The following MDH2 variants were observed in gnomAD, a reference collection of about 807,000 sequenced individuals.
The protein encoded by MDH2 is malate dehydrogenase, mitochondrial.
Under a neutral mutation model 33.6 loss-of-function variants are expected in MDH2, and 25 were observed. The ratio of observed to expected loss-of-function variants is 0.74; its 90% confidence interval spans 0.54 to 1.04. The LOEUF is 1.04. Among genes scored for constraint, MDH2 ranks in the 50% least tolerant of loss-of-function variants. MDH2 has a pLI of 0.00. For synonymous variants in MDH2, 193 were observed against 188.7 expected (o/e 1.02, Z -0.19); for missense variants, 432 against 445.0 (o/e 0.97, Z 0.26).
At chr7:76,057,697 G>A (rs1305817012) in intron 3 of MDH2, among the ~76,000 whole-genome samples, 5 of 152,076 alleles carry the variant, frequency 3.3e-5, no homozygotes, top group Non-Finnish European at 5.9e-5. Flanking sequence ...CTCTGTGCAC[G>A]GACGCCCTTC....
chr7:76,060,648 A>T, intron 5 of MDH2, 150 bp downstream of exon 5: 1 of 1,190,672 alleles, frequency 8.4e-7, no homozygotes, highest in Non-Finnish European at 1.1e-6. Flanking sequence ...CTCTTGATGG[A>T]AGCAGCCCCT....
At chr7:76,050,816 GAGTT>G (rs1797601061) in intron 1 of MDH2, among the ~76,000 whole-genome samples, 1 of 152,202 alleles carries the variant, frequency 6.6e-6, no homozygotes, top group Non-Finnish European at 1.5e-5. Flanking sequence ...TTGGGCCTTG[GAGTT>G]GGGCTGAAAT....
At position 76,064,874 on chromosome 7, in the gene MDH2, A is replaced by G. The variant is rs1798053153; in HGVS notation, c.806A>G (p.Lys269Arg). The G allele has an allele frequency of 1.9e-6, 3 of 1,614,060 alleles. No individual in the cohort carries two copies. Among genetic ancestry groups the G allele is most frequent in the African/African-American group, 2.7e-5 (2 of 74,930 alleles). ...VFSLVDAMNG[K>R]EGVVECSFVK... is the part of the protein sequence containing the mutation. ...TCCCTTGTGGATGCAATGAATGGAAAGGAAGGTGTTGTGGAATGTTCCTTC... is the reference window on the plus strand; with the variant it reads ...TCCCTTGTGGATGCAATGAATGGAAGGGAAGGTGTTGTGGAATGTTCCTTC... Residue 269 changes from lysine (K) to arginine (R), a missense_variant, in exon 8 of 9, where the codon AAG becomes AGG. By Grantham distance (26) the Lys-to-Arg change is conservative. Coordinates refer to ENST00000315758, the MANE Select transcript of MDH2 (RefSeq NM_005918.4).
chr7:76,056,653 C>T (rs376569816), intron 2 of MDH2, among the ~76,000 whole-genome samples: 6 of 152,158 alleles, frequency 3.9e-5, no homozygotes, highest in African/African-American at 1.4e-4. Context: ...TAGGAGTAAA[C>T]GAAATAGTAA....
chr7:76,049,194 A>G (rs1797500187), intron 1 of MDH2: 12 of 805,098 alleles, frequency 1.5e-5, no homozygotes, highest in Non-Finnish European at 1.8e-5. Context: ...ATTGATGGCT[A>G]CTTCCCATAC....
Position 76,063,577 on chromosome 7 carries a change from C to A in MDH2, c.618C>A (p.Ile206=). The part of the protein sequence containing the change: ...VIGGHAGKTI[I]PLISQCTPKV... The stretch of plus-strand genomic sequence containing the variant: ...GTGGCCATGCTGGGAAGACCATCAT[C>A]CCCCTGATCTCTCAGGTACACGCAT... Residue 206 remains isoleucine (I), a synonymous_variant, in exon 6 of 9, where the codon ATC becomes ATA. Transcript: ENST00000315758. The A allele has an allele frequency of 6.2e-7, 1 of 1,614,190 alleles. No individual in the cohort carries two copies. Among genetic ancestry groups the A allele is most frequent in the Non-Finnish European group, 8.5e-7 (1 of 1,179,998 alleles).
At chr7:76,066,233 G>C in intron 8 of MDH2, 46 bp from the exon 9 acceptor site, 1 of 1,593,088 alleles carries the variant, frequency 6.3e-7, no homozygotes, top group Non-Finnish European at 8.6e-7. Context: ...TCTCTAACAA[G>C]CACTTTCCTG....
chr7:76,049,004 AT>A, intron 1 of MDH2: 1 of 828,244 alleles, frequency 1.2e-6, no homozygotes, highest in Non-Finnish European at 1.4e-6. Flanking sequence ...GGGGGTCCGC[AT>A]TTTTACCAGG....
At position 76,055,011 on chromosome 7, in the gene MDH2, C is replaced by A; in HGVS notation, c.235+13C>A. On this transcript the variant is annotated intron_variant, in intron 2 of 8. Coordinates refer to ENST00000315758, the MANE Select transcript of MDH2 (RefSeq NM_005918.4). ...GCCGCTGTGAAAGGTACTGGGCGCGCTGACCCTGGAGACTTGCTTCCTGTC... is the reference window on the plus strand; with the variant it reads ...GCCGCTGTGAAAGGTACTGGGCGCGATGACCCTGGAGACTTGCTTCCTGTC... 6.2e-7 allele frequency: 1 copy of A among 1,602,120 alleles called. No homozygotes were observed. The highest frequency in any genetic ancestry group is 8.5e-7 in the Non-Finnish European group (1 of 1,173,220).
intron 5 of MDH2, among the ~76,000 whole-genome samples, chr7:76,062,339 C>T (rs185529972): frequency 2.6e-5 from 4 of 152,350 alleles, no homozygotes. Context: ...GAGGGCAAGC[C>T]TCTGGAAAGC....
intron 1 of MDH2, among the ~76,000 whole-genome samples, chr7:76,051,305 C>T (rs1554585407): frequency 6.6e-6 from 1 of 150,688 alleles, no homozygotes; most frequent in African/African-American, 2.5e-5. Context: ...GTGCAGTGGT[C>T]TCCAGACTTT....
Position 76,054,977 on chromosome 7 carries a change from G to A in MDH2, c.214G>A (p.Glu72Lys), listed in dbSNP as rs782167273. 3 of 1,613,778 alleles carry A rather than the reference G, an allele frequency of 1.9e-6. No individual in the cohort carries two copies. Among genetic ancestry groups the A allele is most frequent in the East Asian group, 4.5e-5 (2 of 44,864 alleles). ...AGTGGCCGCAGATCTGAGCCACATC[G>A]AGACCAAAGCCGCTGTGAAAGGTAC... ...PGVAADLSHI[E>K]TKAAVKGYLG... Residue 72 changes from glutamate to lysine, a missense_variant, in exon 2 of 9, where the codon GAG becomes AAG. Coordinates refer to ENST00000315758, the MANE Select transcript of MDH2 (RefSeq NM_005918.4).
rs141477010 is a variant in MDH2 at position 76,064,587 on chromosome 7, G to T, written c.733+149G>T. The stretch of plus-strand genomic sequence containing the variant: ...TGGTGGAAAATCCCTGTGTGAGAGG[G>T]CAGCTCGGCCTGCTTTGTGGGGTTG... On this transcript the variant is annotated intron_variant, in intron 7 of 8. Transcript: ENST00000315758. 145 of 925,348 alleles carry T rather than the reference G, an allele frequency of 1.6e-4. No homozygotes were observed. The African/African-American group carries it at 2.3e-3, about 14-fold the overall frequency. The allele number at this position is 925,348 out of a possible 1,614,324, so 57.3% of individuals were successfully genotyped here.
intron 8 of MDH2, among the ~76,000 whole-genome samples, chr7:76,065,654 C>T (rs1444383261): frequency 2.6e-5 from 4 of 152,152 alleles, no homozygotes; most frequent in African/African-American, 7.2e-5. Flanking sequence ...GAGACGCACC[C>T]GGTTCTCATA....
At chr7:76,053,678 T>G (rs1446506897) in intron 1 of MDH2, among the ~76,000 whole-genome samples, 3 of 152,184 alleles carry the variant, frequency 2.0e-5, no homozygotes, top group African/African-American at 7.2e-5. Context: ...AGGCCCCAGA[T>G]GACCACACAC....
intron 2 of MDH2, among the ~76,000 whole-genome samples, chr7:76,055,737 CAAA>C (rs572199771): frequency 0.034 from 3,352 of 98,056 alleles, 141 homozygotes; most frequent in African/African-American, 0.11. Flanking sequence ...ACACTGTTTC[CAAA>C]AAAAAAAAAA....
At chr7:76,057,904 C>A in intron 3 of MDH2, 65 bp from the exon 4 acceptor site, 1 of 1,489,464 alleles carries the variant, frequency 6.7e-7, no homozygotes. Flanking sequence ...TGGCGCTCAG[C>A]ACATGCTGCC....
chr7:76,048,861 A>C (rs782078563), intron 1 of MDH2: 56 of 1,176,704 alleles, frequency 4.8e-5, no homozygotes, highest in Non-Finnish European at 5.5e-5. Flanking sequence ...TAAGCCTAGG[A>C]GCCTAGGCTA....
At chr7:76,048,264 C>A in intron 1 of MDH2, 38 bp downstream of exon 1, 1 of 1,524,728 alleles carries the variant, frequency 6.6e-7, no homozygotes, top group South Asian at 1.2e-5. Flanking sequence ...GCGGAGGCCC[C>A]CCGGCCCGGG....
Sources: gnomAD v4.1 joint callset for allele counts (sites outside exome capture counted in the v4.1 genomes callset) on GRCh38, gnomAD v4.1.1 for gene constraint, MANE v1.5 for transcripts, NCBI Gene and HGNC (gene_info 2026-07-23, HGNC 2026-07-21) for gene names.